CDH18: variants seen among roughly 807,000 people sequenced by gnomAD.
CDH18 encodes cadherin 18.
Under a neutral mutation model 67.9 loss-of-function variants are expected in CDH18, and 31 were observed. That is an observed-to-expected ratio of 0.46 (90% confidence interval 0.34 to 0.62). The LOEUF (loss-of-function observed/expected upper bound fraction) is 0.62. Ranked by LOEUF, CDH18 falls within the 20% of genes least tolerant of loss-of-function variation. CDH18 has a pLI of 0.01. For missense variants in CDH18, 890 were observed against 975.5 expected, an observed-to-expected ratio of 0.91 and a Z score of 1.17; for synonymous variants, 362 against 347.2, an observed-to-expected ratio of 1.04 and a Z score of -0.48.
At chr5:19,578,736 A>G (rs1462350486) in intron 7 of CDH18, among the ~76,000 whole-genome samples, 1 of 151,972 alleles carries the variant, frequency 6.6e-6, no homozygotes, top group African/African-American at 2.4e-5. Flanking sequence ...TTTGTATCCC[A>G]TAATTTCCAT....
intron 3 of CDH18, among the ~76,000 whole-genome samples, chr5:19,793,133 C>T (rs1358517565): frequency 6.6e-6 from 1 of 152,066 alleles, no homozygotes; most frequent in Non-Finnish European, 1.5e-5. Flanking sequence ...TAAATCTTCA[C>T]CTACCCTACT....
intron 2 of CDH18, among the ~76,000 whole-genome samples, chr5:20,095,212 G>A (rs1467249740): frequency 1.3e-5 from 2 of 150,962 alleles, no homozygotes; most frequent in Non-Finnish European, 2.9e-5. Flanking sequence ...TAGATGACGG[G>A]TTGATGGGTG....
chr5:19,874,389 T>A (rs186843578), intron 2 of CDH18, among the ~76,000 whole-genome samples: 1 of 152,330 alleles, frequency 6.6e-6, no homozygotes, highest in African/African-American at 2.4e-5. Flanking sequence ...AGGTCTTTAA[T>A]AATATCTTCC....
intron 4 of CDH18, among the ~76,000 whole-genome samples, chr5:19,742,407 T>TACAC (rs5866397): frequency 2.6e-3 from 391 of 149,668 alleles, no homozygotes; most frequent in South Asian, 4.6e-3. Context: ...CACGCATGGG[T>TACAC]ACACACACAC....
intron 1 of CDH18, among the ~76,000 whole-genome samples, chr5:20,509,175 T>C (rs566562263): frequency 6.6e-6 from 1 of 152,286 alleles, no homozygotes; most frequent in Non-Finnish European, 1.5e-5. Context: ...TGTTGTACAA[T>C]AGATCTCTTG....
chr5:20,359,018 C>T (rs1235806592), intron 1 of CDH18, among the ~76,000 whole-genome samples: 3 of 150,994 alleles, frequency 2.0e-5, no homozygotes, highest in African/African-American at 7.3e-5. Context: ...CCGCAACCTC[C>T]GCCTCCTGGT....
At chr5:20,402,779 T>C (rs971351052) in intron 1 of CDH18, among the ~76,000 whole-genome samples, 12 of 151,880 alleles carry the variant, frequency 7.9e-5, no homozygotes, top group African/African-American at 2.4e-5. Context: ...GGCTGTGCAG[T>C]TTCTTAAAAT....
chr5:19,843,495 GAAGTT>G (rs70954609), intron 2 of CDH18, among the ~76,000 whole-genome samples: 72,676 of 151,550 alleles, frequency 0.48, 17,533 homozygotes, highest in Middle Eastern at 0.62. Context: ...ATGGCTAGCA[GAAGTT>G]TATTGCAGGG....
intron 2 of CDH18, among the ~76,000 whole-genome samples, chr5:19,874,915 C>T (rs922134005): frequency 2.6e-5 from 4 of 152,092 alleles, no homozygotes; most frequent in African/African-American, 9.7e-5. Context: ...TTCTGTCACA[C>T]ACCATAAGTG....
At chr5:19,791,925 CACAGTGTTCCACA>C (rs1309598687) in intron 3 of CDH18, among the ~76,000 whole-genome samples, 1 of 152,082 alleles carries the variant, frequency 6.6e-6, no homozygotes, top group African/African-American at 2.4e-5. Context: ...TGCTTTATTA[CACAGTGTTCCACA>C]ACAGACTACT....
At chr5:20,440,865 T>C (rs1749554703) in intron 1 of CDH18, among the ~76,000 whole-genome samples, 1 of 152,014 alleles carries the variant, frequency 6.6e-6, no homozygotes, top group African/African-American at 2.4e-5. Context: ...TGGGAAATCA[T>C]ACATAGAATT....
intron 2 of CDH18, among the ~76,000 whole-genome samples, chr5:20,212,707 A>G (rs1740446640): frequency 6.6e-6 from 1 of 151,994 alleles, no homozygotes; most frequent in East Asian, 1.9e-4. Context: ...GAAAAGAAAA[A>G]AAAAAACATA....
At chr5:19,938,722 A>G (rs776262028) in intron 2 of CDH18, among the ~76,000 whole-genome samples, 2 of 151,414 alleles carry the variant, frequency 1.3e-5, no homozygotes, top group Admixed American at 6.6e-5. Context: ...GAAAAAATAA[A>G]CATGCTTGCC....
chr5:20,169,552 T>C (rs1041909199), intron 2 of CDH18, among the ~76,000 whole-genome samples: 2 of 152,276 alleles, frequency 1.3e-5, no homozygotes, highest in African/African-American at 2.4e-5. Flanking sequence ...AATTCTCCTT[T>C]GAACCGTAAA....
intron 1 of CDH18, among the ~76,000 whole-genome samples, chr5:20,380,130 A>G (rs569216948): frequency 4.6e-5 from 7 of 152,196 alleles, no homozygotes; most frequent in Non-Finnish European, 1.0e-4. Flanking sequence ...TCTAAAATGT[A>G]GCATCTATAA....
chr5:20,114,982 G>A (rs922522834), intron 2 of CDH18, among the ~76,000 whole-genome samples: 1 of 152,142 alleles, frequency 6.6e-6, no homozygotes, highest in African/African-American at 2.4e-5. Flanking sequence ...AGAATCTAAG[G>A]AATGAAAGGA....
At chr5:20,170,486 C>A (rs1246738634) in intron 2 of CDH18, among the ~76,000 whole-genome samples, 6 of 151,724 alleles carry the variant, frequency 4.0e-5, no homozygotes, top group Non-Finnish European at 5.9e-5. Context: ...GAGAAATATT[C>A]TAAGTGTTAA....
chr5:20,173,360 T>C lies in CDH18; in HGVS notation c.-518+82084A>G, dbSNP rs561587271. Among the ~76,000 whole-genome samples the C allele has an allele frequency of 7.2e-5, 11 of 152,282 alleles. 2 individuals carry two copies. In the South Asian group the frequency reaches 2.3e-3, roughly 32 times the overall value. ...CAGTCCCAGTAAGTGATCTTGAAAC[T>C]ATGTTCCCATAAATACTTAAGAAAG... On this transcript the variant is annotated intron_variant, in intron 2 of 14. Coordinates refer to the CDH18 transcript ENST00000507958.
At chr5:19,502,824 T>C (rs1743476834) in intron 11 of CDH18, 168 bp downstream of exon 11, 1 of 643,300 alleles carries the variant, frequency 1.6e-6, no homozygotes, top group Non-Finnish European at 2.8e-6. Context: ...TTTGTACATA[T>C]GGCTCAATTT....
Sources: allele counts gnomAD v4.1 joint callset (sites outside exome capture counted in the v4.1 genomes callset), GRCh38; gene constraint gnomAD v4.1.1; transcripts MANE v1.5; gene names NCBI Gene and HGNC (gene_info 2026-07-23, HGNC 2026-07-21).